Variants in DAB2IP observed in about 807,000 individuals in gnomAD.
DAB2IP encodes the protein DAB2 interacting protein.
DAB2IP carries 28 observed loss-of-function variants against 107.2 expected under a neutral mutation model. That is an observed-to-expected ratio of 0.26 (90% CI 0.19 to 0.36). The LOEUF is 0.36. Ranked by LOEUF, DAB2IP falls within the 10% of genes least tolerant of loss-of-function variation. DAB2IP has a pLI of 1.00. For missense variants in DAB2IP, 1,400 were observed against 1,644.7 expected (o/e 0.85, Z 2.57); for synonymous variants, 755 against 706.4 (o/e 1.07, Z -1.09).
intron 3 of DAB2IP, among the ~76,000 whole-genome samples, chr9:121,731,665 G>GTGGGGCTGGGGC (rs55943212): frequency 4.6e-5 from 7 of 152,096 alleles, no homozygotes; most frequent in East Asian, 1.9e-4. Context: ...AGATTGCCCA[G>GTGGGGCTGGGGC]TGGGGCTGGG....
At chr9:121,627,144 C>CAT (rs2119008429) in intron 1 of DAB2IP, among the ~76,000 whole-genome samples, 1 of 76,870 alleles carries the variant, frequency 1.3e-5, no homozygotes, top group South Asian at 4.0e-4. Context: ...CACACACTCA[C>CAT]ACACACACAC....
intron 3 of DAB2IP, among the ~76,000 whole-genome samples, chr9:121,734,036 C>T (rs981019590): frequency 1.3e-5 from 2 of 152,202 alleles, no homozygotes; most frequent in African/African-American, 4.8e-5. Flanking sequence ...CCCAGCTACA[C>T]GTGGCCAAGA....
intron 1 of DAB2IP, among the ~76,000 whole-genome samples, chr9:121,674,204 C>T (rs1297700826): frequency 6.6e-6 from 1 of 152,198 alleles, no homozygotes; most frequent in East Asian, 1.9e-4. Context: ...AGATGACTCT[C>T]CCTCCTCCCC....
intron 2 of DAB2IP, among the ~76,000 whole-genome samples, chr9:121,689,330 C>G (rs1341650181): frequency 2.0e-5 from 3 of 151,984 alleles, no homozygotes; most frequent in Non-Finnish European, 4.4e-5. Flanking sequence ...TGACTCCACC[C>G]CATACCCATG....
intron 1 of DAB2IP, among the ~76,000 whole-genome samples, chr9:121,638,972 G>A (rs1832185950): frequency 6.6e-6 from 1 of 152,100 alleles, no homozygotes; most frequent in Non-Finnish European, 1.5e-5. Context: ...GGGGGCCAGG[G>A]TGGTTGGGGA....
At chr9:121,676,673 A>C (rs1187420794) in intron 1 of DAB2IP, among the ~76,000 whole-genome samples, 3 of 150,878 alleles carry the variant, frequency 2.0e-5, no homozygotes, top group African/African-American at 7.3e-5. Flanking sequence ...ACGCACACAC[A>C]CTGCAAATGA....
At chr9:121,640,413 C>G (rs1832243574) in intron 1 of DAB2IP, among the ~76,000 whole-genome samples, 1 of 152,128 alleles carries the variant, frequency 6.6e-6, no homozygotes, top group African/African-American at 2.4e-5. Flanking sequence ...AATGCGACAT[C>G]AGAGAAAGCA....
chr9:121,620,852 A>G (rs1831436824), intron 1 of DAB2IP, among the ~76,000 whole-genome samples: 1 of 151,872 alleles, frequency 6.6e-6, no homozygotes, highest in South Asian at 2.1e-4. Flanking sequence ...AACCTGGGCT[A>G]CTCCCAACAC....
intron 3 of DAB2IP, among the ~76,000 whole-genome samples, chr9:121,740,741 T>A (rs1564191640): frequency 6.6e-6 from 1 of 152,218 alleles, no homozygotes; most frequent in African/African-American, 2.4e-5. Flanking sequence ...GTCTGTTGAA[T>A]GAATGGCACT....
At chr9:121,759,325 C>T (rs1833719912) in intron 5 of DAB2IP, among the ~76,000 whole-genome samples, 1 of 152,188 alleles carries the variant, frequency 6.6e-6, no homozygotes, top group Non-Finnish European at 1.5e-5. Context: ...TCCCCTTCCA[C>T]CTTAGATGTC....
At chr9:121,672,343 C>T (rs1015656441) in intron 1 of DAB2IP, among the ~76,000 whole-genome samples, 17 of 152,102 alleles carry the variant, frequency 1.1e-4, no homozygotes, top group Non-Finnish European at 1.8e-4. Flanking sequence ...AAGATCTGGG[C>T]GATGCAACCC....
chr9:121,648,900 G>A (rs1429327645), upstream of DAB2IP, among the ~76,000 whole-genome samples: 1 of 152,146 alleles, frequency 6.6e-6, no homozygotes, highest in Non-Finnish European at 1.5e-5. Flanking sequence ...TGGAAGCAGG[G>A]CTTCTCCTGT....
intron 2 of DAB2IP, among the ~76,000 whole-genome samples, chr9:121,681,672 C>T (rs890197444): frequency 3.9e-5 from 6 of 152,146 alleles, no homozygotes; most frequent in Non-Finnish European, 5.9e-5. Context: ...TCAGGACTGC[C>T]GGACATCTAC....
At chr9:121,773,617 C>T in intron 12 of DAB2IP, 122 bp downstream of exon 12, 6 of 1,239,456 alleles carry the variant, frequency 4.8e-6, no homozygotes, top group Non-Finnish European at 6.2e-6. Context: ...GCCATCCCAT[C>T]CCACCAGCCT....
chr9:121,770,504 G>T (rs749441418), intron 10 of DAB2IP, 42 bp from the exon 11 acceptor site: 21 of 1,594,964 alleles, frequency 1.3e-5, no homozygotes, highest in Non-Finnish European at 1.7e-5. Flanking sequence ...CTACCCATGT[G>T]GTCCCAGGAG....
intron 1 of DAB2IP, among the ~76,000 whole-genome samples, chr9:121,672,851 A>G (rs761149879): frequency 3.3e-5 from 5 of 152,172 alleles, no homozygotes; most frequent in East Asian, 1.9e-4. Flanking sequence ...CTGGGTTTCT[A>G]CTGGCACCAG....
chr9:121,779,015 C>T (rs191059303), intron 14 of DAB2IP, among the ~76,000 whole-genome samples: 63 of 152,244 alleles, frequency 4.1e-4, no homozygotes, highest in Admixed American at 2.9e-3. Flanking sequence ...TCCTAGCACA[C>T]GTGCATTAGG....
chr9:121,578,293 A>G (rs1245712128), intron 1 of DAB2IP, among the ~76,000 whole-genome samples: 4 of 151,038 alleles, frequency 2.6e-5, no homozygotes, highest in Admixed American at 6.6e-5. Flanking sequence ...AGTCATCTCT[A>G]TATATCTCTC....
chr9:121,694,979 A>G (rs1297254094), intron 2 of DAB2IP, among the ~76,000 whole-genome samples: 1 of 152,138 alleles, frequency 6.6e-6, no homozygotes, highest in Non-Finnish European at 1.5e-5. Flanking sequence ...CCATCTGGGG[A>G]GGGAGCCGCG....
Sources: allele counts gnomAD v4.1 joint callset (sites outside exome capture counted in the v4.1 genomes callset), GRCh38; gene constraint gnomAD v4.1.1; transcripts MANE v1.5; gene names NCBI Gene and HGNC (gene_info 2026-07-23, HGNC 2026-07-21).